CSMD3: variants seen among roughly 807,000 people sequenced by gnomAD.
The protein encoded by CSMD3 is CUB and sushi domain-containing protein 3.
In CSMD3, 177 loss-of-function variants were observed where a neutral mutation model predicts 435.2. The ratio of observed to expected loss-of-function variants is 0.41; its 90% CI spans 0.36 to 0.46. The LOEUF (loss-of-function observed/expected upper bound fraction) is 0.46. Among genes scored for constraint, CSMD3 ranks in the 20% least tolerant of loss-of-function variants. CSMD3 has a pLI of 0.34. For missense variants in CSMD3, 4,265 were observed against 4,504.6 expected (o/e 0.95, Z 1.52); for synonymous variants, 1,656 against 1,520.5 (o/e 1.09, Z -2.07).
chr8:112,362,014 T>A (rs182673033), intron 38 of CSMD3, among the ~76,000 whole-genome samples: 2 of 152,014 alleles, frequency 1.3e-5, no homozygotes, highest in East Asian at 3.9e-4. Flanking sequence ...ACCAAAATTA[T>A]CATTTCACAT....
At chr8:113,146,541 T>A (rs545710130) in intron 4 of CSMD3, among the ~76,000 whole-genome samples, 38 of 151,696 alleles carry the variant, frequency 2.5e-4, no homozygotes, top group African/African-American at 8.9e-4. Context: ...TTTGAATAAT[T>A]CCTAAAATAA....
intron 1 of CSMD3, among the ~76,000 whole-genome samples, chr8:113,372,298 T>C: frequency 6.6e-6 from 1 of 152,208 alleles, no homozygotes; most frequent in South Asian, 2.1e-4. Flanking sequence ...CTTATTATTC[T>C]TAATGGTTAC....
chr8:112,650,170 T>A lies in CSMD3; in HGVS notation c.3184A>T (p.Thr1062Ser), dbSNP rs1275626732. ...TCAAATGAGTTATTACCATCACAGG[T>A]TGGAAGTGGATGACTCCACCAGTGG... The part of the protein sequence containing the change: ...KNHWWSHPLP[T>S]CDALCGGDVR... Residue 1062 changes from threonine (T) to serine (S), a missense_variant, in exon 19 of 71, where the codon ACC (threonine) becomes TCC (serine). Thr to Ser is a moderately conservative substitution (Grantham distance 58, BLOSUM62 1). This residue lies in a region of CSMD3 where 3,255 missense variants were observed against 3,380.2 expected (regional missense o/e 0.96). Coordinates refer to ENST00000297405, the MANE Select transcript of CSMD3 (RefSeq NM_198123.2). The A allele has an allele frequency of 6.2e-7, 1 of 1,611,532 alleles. No homozygotes were observed. Among genetic ancestry groups the A allele is most frequent in the Non-Finnish European group, 8.5e-7 (1 of 1,177,626 alleles).
At chr8:112,609,201 CAAAAAAAAAAAAAAA>C (rs71566035) in intron 22 of CSMD3, among the ~76,000 whole-genome samples, 7,579 of 43,470 alleles carry the variant, frequency 0.17, 473 homozygotes, top group South Asian at 0.4. Context: ...GATACTGCCT[CAAAAAAAAAAAAAAA>C]AAAAAAAAAA....
chr8:112,477,500 A>G (rs1405781064), intron 31 of CSMD3, among the ~76,000 whole-genome samples: 1 of 151,918 alleles, frequency 6.6e-6, no homozygotes, highest in East Asian at 1.9e-4. Context: ...GTCTGGTGGG[A>G]AGTCTTTGGG....
chr8:112,764,498 T>C (rs2077926147), intron 13 of CSMD3, among the ~76,000 whole-genome samples: 1 of 151,526 alleles, frequency 6.6e-6, no homozygotes, highest in Admixed American at 6.6e-5. Flanking sequence ...CTTTCAAATA[T>C]GCCTTTAAAA....
At chr8:112,708,551 T>C (rs2076544858) in intron 13 of CSMD3, among the ~76,000 whole-genome samples, 1 of 151,728 alleles carries the variant, frequency 6.6e-6, no homozygotes, top group Admixed American at 6.6e-5. Context: ...TGCAACTTGT[T>C]TGAAGTGGGA....
chr8:113,122,867 C>A (rs1221890433), intron 4 of CSMD3, among the ~76,000 whole-genome samples: 2 of 151,520 alleles, frequency 1.3e-5, no homozygotes, highest in Non-Finnish European at 2.9e-5. Context: ...TTAATACAAA[C>A]ATTTGTAACA....
At chr8:113,282,092 A>C (rs2132477804) in intron 2 of CSMD3, among the ~76,000 whole-genome samples, 1 of 152,042 alleles carries the variant, frequency 6.6e-6, no homozygotes, top group African/African-American at 2.4e-5. Flanking sequence ...AATAAAAGCC[A>C]TCTATGACAA....
intron 6 of CSMD3, among the ~76,000 whole-genome samples, chr8:112,979,597 G>A (rs1164520968): frequency 1.3e-5 from 2 of 151,254 alleles, no homozygotes; most frequent in Admixed American, 1.3e-4. Flanking sequence ...TATACACATA[G>A]CTATCCAATG....
intron 3 of CSMD3, among the ~76,000 whole-genome samples, chr8:113,277,114 G>A (rs2132450305): frequency 6.6e-6 from 1 of 151,970 alleles, no homozygotes; most frequent in East Asian, 1.9e-4. Context: ...ACAGAATACA[G>A]GTTTTTTATT....
At chr8:112,299,066 G>C (rs1820644297) in intron 53 of CSMD3, among the ~76,000 whole-genome samples, 1 of 152,042 alleles carries the variant, frequency 6.6e-6, no homozygotes, top group East Asian at 1.9e-4. Flanking sequence ...CAACAGCATA[G>C]ATAAAAGAGA....
At chr8:112,414,854 T>C (rs1391677845) in intron 32 of CSMD3, among the ~76,000 whole-genome samples, 1 of 152,194 alleles carries the variant, frequency 6.6e-6, no homozygotes, top group African/African-American at 2.4e-5. Context: ...GTAAAGAGAC[T>C]GGTGGCATTT....
rs543525779 is a variant in CSMD3 at position 113,354,796 on chromosome 8, T to C, written c.179-40003A>G. Among the ~76,000 whole-genome samples, 463 of 152,084 alleles carry C rather than the reference T, an allele frequency of 3.0e-3. 1 individual carries two copies. The highest frequency in any genetic ancestry group is 0.011 in the African/African-American group (440 of 41,502). ...TTGGGACTACAAGCGTGTGTTACCA[T>C]GCCCGACTATTTTTTTTTTCTTTGT... is the stretch of plus-strand genomic sequence containing the variant. On this transcript the variant is annotated intron_variant, in intron 1 of 70. Transcript: ENST00000297405.
intron 3 of CSMD3, among the ~76,000 whole-genome samples, chr8:113,266,663 GTGT>G (rs1419120192): frequency 6.6e-6 from 1 of 151,558 alleles, no homozygotes; most frequent in Non-Finnish European, 1.5e-5. Context: ...AGTAGTAGTA[GTGT>G]TATTAGCCAC....
chr8:112,726,972 CA>C (rs2076979906), intron 13 of CSMD3, among the ~76,000 whole-genome samples: 1 of 151,546 alleles, frequency 6.6e-6, no homozygotes, highest in Non-Finnish European at 1.5e-5. Context: ...AGTTCATGAC[CA>C]AGCAAAGAAT....
intron 32 of CSMD3, among the ~76,000 whole-genome samples, chr8:112,426,487 C>T (rs1287857473): frequency 6.6e-6 from 1 of 152,126 alleles, no homozygotes; most frequent in African/African-American, 2.4e-5. Context: ...AGCCAGACTT[C>T]ACAGATTGAT....
intron 12 of CSMD3, among the ~76,000 whole-genome samples, chr8:112,824,232 C>G (rs1300921517): frequency 2.0e-5 from 3 of 152,038 alleles, no homozygotes; most frequent in African/African-American, 4.8e-5. Context: ...ATACAGCACC[C>G]TGATGAGTCT....
At chr8:113,150,024 A>G (rs1386018548) in intron 4 of CSMD3, among the ~76,000 whole-genome samples, 1 of 151,828 alleles carries the variant, frequency 6.6e-6, no homozygotes, top group Non-Finnish European at 1.5e-5. Context: ...AAAATTAACT[A>G]GTTGTGAGGA....
Sources: allele counts gnomAD v4.1 joint callset (sites outside exome capture counted in the v4.1 genomes callset), GRCh38; gene constraint gnomAD v4.1.1; regional missense constraint gnomAD v4.1.1; transcripts MANE v1.5; gene names NCBI Gene and HGNC (gene_info 2026-07-23, HGNC 2026-07-21).